Variants in PPP1R9B observed in about 807,000 individuals in gnomAD.
PPP1R9B encodes protein phosphatase 1 regulatory subunit 9B, also known as neurabin-2.
Under a neutral mutation model 75.8 loss-of-function variants are expected in PPP1R9B, and 17 were observed. The ratio of observed to expected loss-of-function variants is 0.22; its 90% CI spans 0.15 to 0.34. The LOEUF (loss-of-function observed/expected upper bound fraction) is 0.34. Ranked by LOEUF, PPP1R9B falls within the 10% of genes least tolerant of loss-of-function variation. The pLI is 1.00. For synonymous variants in PPP1R9B, 509 were observed against 535.4 expected, an observed-to-expected ratio of 0.95 and a Z score of 0.68; for missense variants, 875 against 1,196.0, an observed-to-expected ratio of 0.73 and a Z score of 3.96.
Position 50,141,300 on chromosome 17 carries a change from A to C in PPP1R9B, c.1699T>G (p.Ser567Ala). 2 of 1,590,144 alleles carry C rather than the reference A, an allele frequency of 1.3e-6. No homozygotes were observed. Among genetic ancestry groups the C allele is most frequent in the Non-Finnish European group, 1.7e-6 (2 of 1,169,170 alleles). The change falls in exon 4 of 10, where the codon TCT becomes GCT. Residue 567 changes from serine to alanine, a missense_variant. Transcript: ENST00000612501. ...LVGVTQSFAA[S>A]VLRNTKGRVR... Reference sequence around the variant, plus strand: ...CGGCCCTTGGTGTTCCGGAGCACAGACGCCGCGAAGCTCTGGGTCACTCCC... The same window carrying C: ...CGGCCCTTGGTGTTCCGGAGCACAGCCGCCGCGAAGCTCTGGGTCACTCCC...
rs1347834821 is a variant in PPP1R9B, at chr17:50,142,835, ACACT to A, written c.1625+759_1625+762del. On this transcript the variant is annotated intron_variant, in intron 3 of 9. Coordinates refer to ENST00000612501, the MANE Select transcript of PPP1R9B (RefSeq NM_032595.5). This position sits in a 1 kb window ranked among gnomAD's most constrained non-coding sequence, Gnocchi z 4.1. ...CCACAGATGCTCAATACAGGCACAC[ACACT>A]CACATGCGCAAAGACAGCCTGTCTC... is the stretch of plus-strand genomic sequence containing the variant. 6.6e-6 allele frequency among the ~76,000 whole-genome samples: 1 copy of A among 152,122 alleles called. No individual in the cohort carries two copies. Among genetic ancestry groups the A allele is most frequent in the African/African-American group, 2.4e-5 (1 of 41,402 alleles).
chr17:50,135,503 C>T, intron 9 of PPP1R9B, 50 bp downstream of exon 9: 8 of 1,589,632 alleles, frequency 5.0e-6, no homozygotes, highest in Non-Finnish European at 6.9e-6. Flanking sequence ...GTAGGGGCTT[C>T]AATGCTGCTC....
intron 4 of PPP1R9B, 65 bp downstream of exon 4, chr17:50,141,204 G>A (rs1912366172): frequency 1.9e-6 from 2 of 1,072,294 alleles, no homozygotes; most frequent in Non-Finnish European, 1.4e-6. Context: ...GTTAAGGCAG[G>A]TGAACGGAGT....
In PPP1R9B at chr17:50,149,052, C is replaced by T. The variant is rs1468034257; in HGVS notation, c.1371+91G>A. 23 of 1,010,056 alleles carry T rather than the reference C, an allele frequency of 2.3e-5. No individual in the cohort carries two copies. Among genetic ancestry groups the T allele is most frequent in the Non-Finnish European group, 2.9e-5 (22 of 745,780 alleles). 62.6% of individuals were successfully genotyped at this position (1,010,056 alleles called of 1,614,324 possible). On this transcript the variant is annotated intron_variant, in intron 1 of 9. Transcript: ENST00000612501. The surrounding 1 kb of genome is among the most constrained non-coding windows in gnomAD (Gnocchi z 7.2). ...GCTGGGTGGCAGGGGCTGACTCAGC[C>T]TGCCAAACCCGGCTGGCTGGCTGGC...
chr17:50,150,486 C>T lies in PPP1R9B; in HGVS notation c.28G>A (p.Gly10Arg), dbSNP rs1303201318. The T allele has an allele frequency of 7.3e-7, 1 of 1,363,332 alleles. No individual in the cohort carries two copies. The allele number at this position is 1,363,332 out of a possible 1,614,324, so 84.5% of individuals were successfully genotyped here. Residue 10 changes from glycine (G) to arginine (R), a missense_variant, in exon 1 of 10, where the codon GGG (glycine) becomes AGG (arginine). Coordinates refer to ENST00000612501, the MANE Select transcript of PPP1R9B (RefSeq NM_032595.5). This position sits in a 1 kb window ranked among gnomAD's most constrained non-coding sequence, Gnocchi z 8.7. ...GGGGAGGCGCTCCGGAGGGGACCCCCGGGCCCCCGTGGCTCCGTCTTCATC... is the reference window on the plus strand; with the variant it reads ...GGGGAGGCGCTCCGGAGGGGACCCCTGGGCCCCCGTGGCTCCGTCTTCATC... The part of the protein sequence containing the change: MMKTEPRGP[G>R]GPLRSASPHR...
chr17:50,136,217 C>T lies in PPP1R9B; in HGVS notation c.2074-20G>A, dbSNP rs753965175. ...CTGCAGCTGAGAGAGAAAGGCACGG[C>T]CCTGGGTTGGTGGGGGCCAGCAGGA... is the stretch of plus-strand genomic sequence containing the variant. On this transcript the variant is annotated intron_variant, in intron 7 of 9. Coordinates refer to ENST00000612501, the MANE Select transcript of PPP1R9B (RefSeq NM_032595.5). 3.1e-6 allele frequency: 5 copies of T among 1,593,966 alleles called. No homozygotes were observed. The South Asian group carries it at 5.5e-5, about 18-fold the overall frequency.
chr17:50,136,223 G>C, intron 7 of PPP1R9B, 26 bp from the exon 8 acceptor site: 1 of 1,587,062 alleles, frequency 6.3e-7, no homozygotes, highest in Non-Finnish European at 8.5e-7. Context: ...ACGGCCCTGG[G>C]TTGGTGGGGG....
chr17:50,149,232 C>T lies in PPP1R9B; in HGVS notation c.1282G>A (p.Glu428Lys). Residue 428 changes from glutamate (E) to lysine (K), a missense_variant, in exon 1 of 10, where the codon GAG (glutamate) becomes AAG (lysine). Glu to Lys is a moderately conservative substitution (Grantham distance 56). Around this residue, in one of 4 missense-constraint regions of PPP1R9B, gnomAD observed 449 missense variants for 475.0 expected, o/e 0.95. Transcript: ENST00000612501. This position sits in a 1 kb window ranked among gnomAD's most constrained non-coding sequence, Gnocchi z 7.2. ...CCCGGGATCTCCACGCACCCCGACT[C>T]GGGCTCGTAGGGGGGCTCCCCATCC... ...EEDGEPPYEP[E>K]SGCVEIPGLS... The T allele has an allele frequency of 6.2e-7, 1 of 1,610,996 alleles. No homozygotes were observed.
At chr17:50,147,101 C>T (rs1489876691) in intron 1 of PPP1R9B, among the ~76,000 whole-genome samples, 2 of 152,224 alleles carry the variant, frequency 1.3e-5, no homozygotes, top group African/African-American at 4.8e-5. Flanking sequence ...TGGGCTGCAC[C>T]CTGCCCTCTT....
Position 50,149,190 on chromosome 17 carries a change from C to T in PPP1R9B, c.1324G>A (p.Asp442Asn). ...VEIPGLSEEE[D>N]PAPSRKIHFS... ...TGGATCTTCCGGCTCGGGGCTGGGTCCTCCTCCTCCGACAGCCCCGGGATC... is the reference window on the plus strand; with the variant it reads ...TGGATCTTCCGGCTCGGGGCTGGGTTCTCCTCCTCCGACAGCCCCGGGATC... The change falls in exon 1 of 10, where the codon GAC (aspartate) becomes AAC (asparagine). Residue 442 changes from aspartate (D) to asparagine (N), a missense_variant. Physicochemically the swap from Asp to Asn is conservative, Grantham distance 23 (BLOSUM62 1). Coordinates refer to ENST00000612501, the MANE Select transcript of PPP1R9B (RefSeq NM_032595.5). This position sits in a 1 kb window ranked among gnomAD's most constrained non-coding sequence, Gnocchi z 7.2. 1 of 1,586,596 alleles carries T rather than the reference C, an allele frequency of 6.3e-7. No individual in the cohort carries two copies. The highest frequency in any genetic ancestry group is 8.6e-7 in the Non-Finnish European group (1 of 1,167,198).
At position 50,150,106 on chromosome 17, in the gene PPP1R9B, C is replaced by CGGCGCAGGCTGCGCGGAG; in HGVS notation, c.390_407dup (p.Ser131_Pro136dup). 7.2e-7 allele frequency: 1 copy of CGGCGCAGGCTGCGCGGAG among 1,397,970 alleles called. No homozygotes were observed. The highest frequency in any genetic ancestry group is 9.2e-7 in the Non-Finnish European group (1 of 1,081,542). The allele number at this position is 1,397,970 out of a possible 1,614,324, so 86.6% of individuals were successfully genotyped here. A position where few individuals can be genotyped will look rare whatever the true frequency, so the allele number is the denominator to read the frequency against. On this transcript the variant is annotated inframe_insertion, in exon 1 of 10. Transcript: ENST00000612501. This position sits in a 1 kb window ranked among gnomAD's most constrained non-coding sequence, Gnocchi z 8.7. ...GCAGCCGGGACGGCGGGTGCGGCGG[C>CGGCGCAGGCTGCGCGGAG]GGCGCAGGCTGCGCGGAGGGCGCGG...
chr17:50,146,377 C>T (rs1040915423), intron 1 of PPP1R9B, among the ~76,000 whole-genome samples: 23 of 152,172 alleles, frequency 1.5e-4, no homozygotes, highest in Non-Finnish European at 2.9e-5. Flanking sequence ...TGGGGAACAG[C>T]TCTATCAGTT....
rs1338656033 is a variant in PPP1R9B, at chr17:50,149,943, C to A, written c.571G>T (p.Gly191Cys). The change falls in exon 1 of 10, where the codon GGC becomes TGC. Residue 191 changes from glycine (G) to cysteine (C), a missense_variant. Physicochemically the swap from Gly to Cys is radical, Grantham distance 159. Around this residue, in one of 4 missense-constraint regions of PPP1R9B, gnomAD observed 449 missense variants for 475.0 expected, o/e 0.95. Coordinates refer to ENST00000612501, the MANE Select transcript of PPP1R9B (RefSeq NM_032595.5). This position sits in a 1 kb window ranked among gnomAD's most constrained non-coding sequence, Gnocchi z 7.2. ...AGCTTGTCCAGCGCCTCGGTGCTGC[C>A]GTTGAAGCGCACCACGACGTCCAGC... ...RKLDVVVRFN[G>C]STEALDKLDA... The A allele has an allele frequency of 1.3e-6, 2 of 1,514,794 alleles. No homozygotes were observed. Among genetic ancestry groups the A allele is most frequent in the South Asian group, 2.4e-5 (2 of 81,974 alleles). The allele number at this position is 1,514,794 out of a possible 1,614,324, so 93.8% of individuals were successfully genotyped here.
At chr17:50,148,035 G>T (rs763906903) in intron 1 of PPP1R9B, among the ~76,000 whole-genome samples, 18 of 152,284 alleles carry the variant, frequency 1.2e-4, no homozygotes, top group Middle Eastern at 3.4e-3. Flanking sequence ...CGGACCTGGG[G>T]CCGGGTGCAG....
At position 50,150,113 on chromosome 17, in the gene PPP1R9B, G is replaced by A; in HGVS notation, c.401C>T (p.Pro134Leu). The change falls in exon 1 of 10, where the codon CCT (proline) becomes CTT (leucine). Residue 134 changes from proline (P) to leucine (L), a missense_variant. By Grantham distance (98) the Pro-to-Leu change is moderately conservative. Coordinates refer to ENST00000612501, the MANE Select transcript of PPP1R9B (RefSeq NM_032595.5). The surrounding 1 kb of genome is among the most constrained non-coding windows in gnomAD (Gnocchi z 8.7). Reference protein sequence around the residue: ...FDSKPAPSAQPAPPPHPPSRL... With the variant: ...FDSKPAPSAQLAPPPHPPSRL... ...GGACGGCGGGTGCGGCGGCGGCGCA[G>A]GCTGCGCGGAGGGCGCGGGCTTGGA... The A allele has an allele frequency of 7.1e-7, 1 of 1,401,364 alleles. No individual in the cohort carries two copies. The highest frequency in any genetic ancestry group is 9.2e-7 in the Non-Finnish European group (1 of 1,083,308). 86.8% of individuals were successfully genotyped at this position (1,401,364 alleles called of 1,614,324 possible).
chr17:50,135,629 T>G lies in PPP1R9B; in HGVS notation c.2324A>C (p.Lys775Thr). 1 of 1,608,404 alleles carries G rather than the reference T, an allele frequency of 6.2e-7. No individual in the cohort carries two copies. The highest frequency in any genetic ancestry group is 8.5e-7 in the Non-Finnish European group (1 of 1,177,214). Residue 775 changes from lysine to threonine, a missense_variant, in exon 9 of 10, where the codon AAG becomes ACG. By Grantham distance (78) the Lys-to-Thr change is moderately conservative (BLOSUM62 -1). Coordinates refer to ENST00000612501, the MANE Select transcript of PPP1R9B (RefSeq NM_032595.5). ...YQQKEIEFLK[K>T]ETAQRRVLEE... is the part of the protein sequence containing the mutation. Reference sequence around the variant, plus strand: ...CAGAACCCGACGCTGTGCAGTCTCCTTTTTCAGGAACTCGATCTCCCTGGG... The same window carrying G: ...CAGAACCCGACGCTGTGCAGTCTCCGTTTTCAGGAACTCGATCTCCCTGGG...
chr17:50,134,984 T>G lies in PPP1R9B; in HGVS notation c.*347A>C, dbSNP rs1912180091. 3.3e-6 allele frequency: 1 copy of G among 302,154 alleles called. No individual in the cohort carries two copies. 18.7% of individuals were successfully genotyped at this position (302,154 alleles called of 1,614,324 possible). ...TGGGAGAGCCCCAGCCCCGTTCCAG[T>G]CCAGAGACAAAAGCTGGAGTGTGTA... On this transcript the variant is annotated 3_prime_UTR_variant, in exon 10 of 10. Coordinates refer to ENST00000612501, the MANE Select transcript of PPP1R9B (RefSeq NM_032595.5).
Position 50,145,264 on chromosome 17 carries a change from G to A in PPP1R9B, c.1372-19C>T. On this transcript the variant is annotated intron_variant, in intron 1 of 9. Coordinates refer to ENST00000612501, the MANE Select transcript of PPP1R9B (RefSeq NM_032595.5). ...TGAACACCTGGGGAGGGAGGCAGCT[G>A]GTCAGAGAGGCCGGCAGGAGGACAA... is the stretch of plus-strand genomic sequence containing the variant. 6.2e-7 allele frequency: 1 copy of A among 1,612,328 alleles called. No homozygotes were observed.
In PPP1R9B at chr17:50,139,640, G is replaced by C; in HGVS notation, c.1867-59C>G. On this transcript the variant is annotated intron_variant, in intron 5 of 9. Coordinates refer to ENST00000612501, the MANE Select transcript of PPP1R9B (RefSeq NM_032595.5). The surrounding 1 kb of genome is among the most constrained non-coding windows in gnomAD (Gnocchi z 5.0). Reference sequence around the variant, plus strand: ...CCACCCAGCTGCCCTCAGCCCTGATGACCAGGGCTGGGACCAGTTGCCCAT... The same window carrying C: ...CCACCCAGCTGCCCTCAGCCCTGATCACCAGGGCTGGGACCAGTTGCCCAT... 2 of 1,495,506 alleles carry C rather than the reference G, an allele frequency of 1.3e-6. No individual in the cohort carries two copies. Among genetic ancestry groups the C allele is most frequent in the Non-Finnish European group, 1.8e-6 (2 of 1,117,818 alleles). The allele number at this position is 1,495,506 out of a possible 1,614,324, so 92.6% of individuals were successfully genotyped here.
Sources: gnomAD v4.1 joint callset for allele counts (sites outside exome capture counted in the v4.1 genomes callset) on GRCh38, gnomAD v4.1.1 for gene constraint, gnomAD v4.1.1 regional missense constraint, Gnocchi (gnomAD v3.1) non-coding constraint, MANE v1.5 for transcripts, NCBI Gene and HGNC (gene_info 2026-07-23, HGNC 2026-07-21) for gene names.